The following SERGEF variants were observed in gnomAD, a reference collection of about 807,000 sequenced individuals.
SERGEF encodes secretion-regulating guanine nucleotide exchange factor.
SERGEF carries 51 observed loss-of-function variants against 50.0 expected under a neutral mutation model. The observed-to-expected ratio is 1.02, with a 90% CI of 0.81 to 1.29. The LOEUF (loss-of-function observed/expected upper bound fraction) is 1.29, where lower values mean the gene tolerates loss of function less well. SERGEF is among the 50% of genes most tolerant of loss of function. The pLI is 0.00. For synonymous variants in SERGEF, 205 were observed against 212.4 expected (o/e 0.97, Z 0.30); for missense variants, 521 against 557.0 (o/e 0.94, Z 0.65).
At chr11:17,975,594 C>T (rs1331335655) in intron 8 of SERGEF, among the ~76,000 whole-genome samples, 2 of 152,166 alleles carry the variant, frequency 1.3e-5, no homozygotes, top group Non-Finnish European at 2.9e-5. Flanking sequence ...GAAAGGGGCT[C>T]CCCTAAGAAT....
At chr11:17,840,542 A>C (rs1850482179) in intron 10 of SERGEF, among the ~76,000 whole-genome samples, 1 of 152,210 alleles carries the variant, frequency 6.6e-6, no homozygotes, top group Non-Finnish European at 1.5e-5. Context: ...GCTTTCAGGC[A>C]ACAAACCAGA....
At chr11:17,855,147 C>A (rs1401956614) in intron 10 of SERGEF, 1 of 152,122 alleles carries the variant, frequency 6.6e-6, no homozygotes, top group Non-Finnish European at 1.5e-5. Context: ...AAATTATTAT[C>A]TTTCTTTTCC....
intron 10 of SERGEF, among the ~76,000 whole-genome samples, chr11:17,809,321 C>T (rs2133833320): frequency 6.6e-6 from 1 of 152,230 alleles, no homozygotes; most frequent in Middle Eastern, 3.4e-3. Context: ...AAGTACGGGG[C>T]ATATGGCAGA....
chr11:17,818,077 G>A (rs1013550711), intron 10 of SERGEF, among the ~76,000 whole-genome samples: 6 of 152,172 alleles, frequency 3.9e-5, no homozygotes, highest in African/African-American at 1.2e-4. Flanking sequence ...CTATGACCAC[G>A]TGTACACTTC....
intron 9 of SERGEF, chr11:17,939,386 T>C (rs541691240): frequency 1.3e-5 from 2 of 152,382 alleles, no homozygotes; most frequent in African/African-American, 4.8e-5. Context: ...CCCTCCCCGG[T>C]CTGATGGCTT....
At position 17,834,067 on chromosome 11, in the gene SERGEF, T is replaced by C. The variant is rs113592179; in HGVS notation, c.1048+44141A>G. On this transcript the variant is annotated intron_variant, in intron 10 of 10. Transcript: ENST00000265965. ...TGGGAGGGGCCAGGGTGAAATGATA[T>C]GGTTTAGCTCCGTGTCCCCATCCAA... 2.8e-3 allele frequency among the ~76,000 whole-genome samples: 429 copies of C among 152,228 alleles called. 2 individuals carry two copies. Among genetic ancestry groups the C allele is most frequent in the African/African-American group, 1.0e-2 (415 of 41,538 alleles).
chr11:18,000,553 T>C lies in SERGEF; in HGVS notation c.452A>G (p.His151Arg), dbSNP rs766570994. Reference sequence around the variant, plus strand: ...AGCAATACAAACAACCTTCTCTTTATGGAGCTGTCAAAATAAAGAAAAGGA... The same window carrying C: ...AGCAATACAAACAACCTTCTCTTTACGGAGCTGTCAAAATAAAGAAAAGGA... Reference protein sequence around the residue: ...RCVVPQAIELHKEKVVCIAAG... With the variant: ...RCVVPQAIELRKEKVVCIAAG... The change falls in exon 5 of 11, where the codon CAT (histidine) becomes CGT (arginine). Residue 151 changes from histidine to arginine, a missense_variant. By Grantham distance (29) the His-to-Arg change is conservative (BLOSUM62 0). Transcript: ENST00000265965. The C allele has an allele frequency of 3.2e-6, 5 of 1,584,206 alleles. No individual in the cohort carries two copies. In the South Asian group the frequency reaches 4.7e-5, roughly 15 times the overall value.
chr11:17,905,264 T>C (rs1224563524), intron 9 of SERGEF, among the ~76,000 whole-genome samples: 1 of 152,254 alleles, frequency 6.6e-6, no homozygotes, highest in Non-Finnish European at 1.5e-5. Context: ...CTAACAAACA[T>C]TGTCTTTAAA....
chr11:17,897,196 G>A (rs1350301912), intron 9 of SERGEF, among the ~76,000 whole-genome samples: 1 of 152,162 alleles, frequency 6.6e-6, no homozygotes, highest in African/African-American at 2.4e-5. Flanking sequence ...TATTGCTGAC[G>A]ACAACTCAAG....
intron 9 of SERGEF, among the ~76,000 whole-genome samples, chr11:17,906,067 C>T (rs554841573): frequency 1.3e-5 from 2 of 152,146 alleles, no homozygotes; most frequent in African/African-American, 2.4e-5. Flanking sequence ...GAAGCTTCCC[C>T]TGACCCTTCT....
Position 17,896,714 on chromosome 11 carries a change from G to GGAAGGGTAAC in SERGEF, c.1012-18471_1012-18470insGTTACCCTTC, listed in dbSNP as rs1565197974. Among the ~76,000 whole-genome samples the GGAAGGGTAAC allele has an allele frequency of 7.7e-4, 40 of 51,850 alleles. 2 individuals carry two copies. The highest frequency in any genetic ancestry group is 1.2e-3 in the Non-Finnish European group (26 of 21,066). The allele number at this position is 51,850 out of a possible 152,430, so 34.0% of individuals were successfully genotyped here. A position where few individuals can be genotyped will look rare whatever the true frequency, so the allele number is the denominator to read the frequency against. On this transcript the variant is annotated intron_variant, in intron 9 of 10. Transcript: ENST00000265965. ...AAGGGGAAGGGTAAGGGAAGGGTAAGGGAAGGGTAACGGAAGGGTAACGGA... is the reference window on the plus strand; with the variant it reads ...AAGGGGAAGGGTAAGGGAAGGGTAAGGAAGGGTAACGGAAGGGTAACGGAAGGGTAACGGA...
At chr11:17,791,160 C>G (rs1337817500) in intron 10 of SERGEF, among the ~76,000 whole-genome samples, 2 of 152,172 alleles carry the variant, frequency 1.3e-5, no homozygotes, top group African/African-American at 4.8e-5. Flanking sequence ...ACTTAACCTG[C>G]ATTCTATTAT....
At chr11:17,857,935 A>G (rs1446593932) in intron 10 of SERGEF, among the ~76,000 whole-genome samples, 1 of 152,256 alleles carries the variant, frequency 6.6e-6, no homozygotes, top group Non-Finnish European at 1.5e-5. Context: ...AAAGAGGAAT[A>G]GAAGAAGAAA....
chr11:17,885,634 T>G (rs946984397), intron 9 of SERGEF, among the ~76,000 whole-genome samples: 1 of 151,502 alleles, frequency 6.6e-6, no homozygotes, highest in Non-Finnish European at 1.5e-5. Flanking sequence ...GGGCATGATC[T>G]GATTTTTTTT....
At chr11:17,845,216 C>G (rs1850583970) in intron 10 of SERGEF, among the ~76,000 whole-genome samples, 2 of 152,180 alleles carry the variant, frequency 1.3e-5, no homozygotes. Context: ...GCTTCAACTT[C>G]TTCATGTCCA....
intron 10 of SERGEF, among the ~76,000 whole-genome samples, chr11:17,877,202 C>T (rs1438821207): frequency 6.6e-6 from 1 of 152,176 alleles, no homozygotes; most frequent in African/African-American, 2.4e-5. Context: ...AGCTAGGAGA[C>T]AGGAGTGGCC....
intron 10 of SERGEF, among the ~76,000 whole-genome samples, chr11:17,817,406 C>T (rs993165077): frequency 5.3e-5 from 8 of 151,898 alleles, no homozygotes; most frequent in Admixed American, 2.0e-4. Context: ...TTAGTAGAGA[C>T]GGGGTTTCAC....
chr11:17,840,523 CAA>C (rs1555001087), intron 10 of SERGEF, among the ~76,000 whole-genome samples: 2 of 152,188 alleles, frequency 1.3e-5, no homozygotes, highest in Non-Finnish European at 2.9e-5. Flanking sequence ...AACCTGGACA[CAA>C]AGAGTTGCTT....
chr11:17,819,809 C>T (rs1347731482), intron 10 of SERGEF, among the ~76,000 whole-genome samples: 10 of 152,174 alleles, frequency 6.6e-5, no homozygotes, highest in East Asian at 1.9e-4. Context: ...CAAAACTCTA[C>T]GATGGTAAAG....
Sources: gnomAD v4.1 joint callset for allele counts (sites outside exome capture counted in the v4.1 genomes callset) on GRCh38, gnomAD v4.1.1 for gene constraint, MANE v1.5 for transcripts, NCBI Gene and HGNC (gene_info 2026-07-23, HGNC 2026-07-21) for gene names.